Variants in PPEF1 observed in about 807,000 individuals in gnomAD.
PPEF1 encodes the protein serine/threonine-protein phosphatase with EF-hands 1.
Under a neutral mutation model 53.3 loss-of-function variants are expected in PPEF1, and 12 were observed. The ratio of observed to expected loss-of-function variants is 0.23; its 90% CI spans 0.14 to 0.36. The LOEUF (loss-of-function observed/expected upper bound fraction) is 0.36, where lower values mean the gene tolerates loss of function less well. PPEF1 is among the 10% of genes least tolerant of loss of function. The pLI is 1.00. For synonymous variants in PPEF1, 165 were observed against 176.7 expected (o/e 0.93, Z 0.52); for missense variants, 334 against 490.4 (o/e 0.68, Z 3.01).
chrX:18,774,701 TTAA>T (rs1259736054), intron 6 of PPEF1, among the ~76,000 whole-genome samples: 1 of 112,394 alleles, frequency 8.9e-6, no homozygotes, highest in Non-Finnish European at 1.9e-5. Context: ...CCCTGAGAAC[TTAA>T]TGTCTTGGCC....
At chrX:18,807,924 T>C (rs1225306659) in intron 12 of PPEF1, among the ~76,000 whole-genome samples, 3 of 108,449 alleles carry the variant, frequency 2.8e-5, no homozygotes, top group African/African-American at 1.0e-4. Context: ...CCTCCCAAAG[T>C]GCTGAGATTA....
At chrX:18,785,759 G>A (rs747595271) in intron 9 of PPEF1, among the ~76,000 whole-genome samples, 21 of 110,536 alleles carry the variant, frequency 1.9e-4, no homozygotes, top group Admixed American at 5.8e-4. Flanking sequence ...GTGCACACCT[G>A]TGGTCCCAGC....
intron 6 of PPEF1, among the ~76,000 whole-genome samples, chrX:18,776,235 GGTTGGTTGGTTT>G (rs1363483931): frequency 2.7e-5 from 3 of 110,784 alleles, no homozygotes; most frequent in Non-Finnish European, 3.8e-5. Context: ...TTGGTTGGTT[GGTTGGTTGGTTT>G]GTTTTAGACA....
intron 3 of PPEF1, among the ~76,000 whole-genome samples, chrX:18,734,938 A>G (rs1359413359): frequency 7.1e-5 from 8 of 111,928 alleles, no homozygotes; most frequent in South Asian, 3.7e-4. Flanking sequence ...TTTGAGAAGT[A>G]TCTGTTCATA....
rs1363778444 is a variant in PPEF1 at position 18,783,889 on chromosome X, TTA to T, written c.763-9_763-8del. 1.7e-6 allele frequency: 2 copies of T among 1,204,905 alleles called. No homozygotes were observed. The highest frequency in any genetic ancestry group is 2.2e-6 in the Non-Finnish European group (2 of 892,432). On this transcript the variant is annotated splice_region_variant and splice_polypyrimidine_tract_variant and intron_variant, in intron 8 of 15. Coordinates refer to ENST00000470157, the MANE Select transcript of PPEF1 (RefSeq NM_001377996.1). ...AGAAAAACAAAACTTACTCAAGCTC[TTA>T]CTTACAGCTACATGGAAAAAGAATC...
chrX:18,819,540 A>G (rs1040799100), intron 13 of PPEF1, among the ~76,000 whole-genome samples: 1 of 110,600 alleles, frequency 9.0e-6, no homozygotes, highest in Non-Finnish European at 1.9e-5. Context: ...AAAAAAAACA[A>G]AAAATTAGCC....
At chrX:18,733,883 A>G (rs929159755) in intron 3 of PPEF1, 75 bp downstream of exon 3, 2 of 815,618 alleles carry the variant, frequency 2.5e-6, no homozygotes, top group Non-Finnish European at 3.4e-6. Flanking sequence ...GTAAATTCTG[A>G]AGATGGGAGA....
chrX:18,767,617 T>C (rs2045803183), intron 6 of PPEF1, among the ~76,000 whole-genome samples: 1 of 112,450 alleles, frequency 8.9e-6, no homozygotes, highest in Non-Finnish European at 1.9e-5. Context: ...TTAAAGTAAT[T>C]TTTAAAGGCA....
intron 10 of PPEF1, among the ~76,000 whole-genome samples, chrX:18,800,244 A>T (rs1180532952): frequency 9.0e-6 from 1 of 111,390 alleles, no homozygotes. Context: ...TGTAAATTTC[A>T]ATTATTGTAT....
chrX:18,697,218 G>A (rs57588857), intron 4 of PPEF1, among the ~76,000 whole-genome samples: 2,571 of 111,714 alleles, frequency 0.023, 82 homozygotes, highest in African/African-American at 0.079. Context: ...AAGTTTATTT[G>A]GAAGGCAGGA....
Position 18,757,698 on chromosome X carries a change from C to T in PPEF1, c.468C>T (p.Phe156=), listed in dbSNP as rs61732530. Residue 156 remains phenylalanine (F), a synonymous_variant, in exon 5 of 16, where the codon TTC becomes TTT. Transcript: ENST00000470157. The part of the protein sequence containing the change: ...TKKVLKQMPN[F]THIQTSPSKE... ...AAGTCCTGAAGCAAATGCCGAATTT[C>T]ACTCACATACAAACTTCTCCCTCCA... The T allele has an allele frequency of 3.7e-4, 448 of 1,209,018 alleles. 6 individuals carry two copies. The Middle Eastern group carries it at 0.02, about 53-fold the overall frequency.
At chrX:18,826,439 TTTTTTTG>T (rs1254478472) in intron 15 of PPEF1, among the ~76,000 whole-genome samples, 2 of 90,537 alleles carry the variant, frequency 2.2e-5, no homozygotes, top group African/African-American at 8.4e-5. Context: ...TTTTTTTTTT[TTTTTTTG>T]CGACAGAGTT....
At chrX:18,762,110 A>G (rs1477251270) in intron 6 of PPEF1, among the ~76,000 whole-genome samples, 1 of 111,635 alleles carries the variant, frequency 9.0e-6, no homozygotes, top group East Asian at 2.8e-4. Flanking sequence ...GAGAGCCAGC[A>G]CAGAGGGCAC....
At chrX:18,777,060 C>A (rs896046268) in intron 6 of PPEF1, among the ~76,000 whole-genome samples, 1 of 112,336 alleles carries the variant, frequency 8.9e-6, no homozygotes, top group African/African-American at 3.2e-5. Flanking sequence ...CCAAAATAGC[C>A]GTGTGTGGTA....
chrX:18,792,518 A>G (rs1348894008), intron 10 of PPEF1, among the ~76,000 whole-genome samples: 1 of 106,076 alleles, frequency 9.4e-6, no homozygotes, highest in Non-Finnish European at 2.0e-5. Context: ...GTACTTCTTT[A>G]TTTTTTTTTC....
At chrX:18,779,295 A>C in intron 7 of PPEF1, 119 bp downstream of exon 7, 189 of 674,080 alleles carry the variant, frequency 2.8e-4, no homozygotes, top group Non-Finnish European at 3.7e-4. Flanking sequence ...GGGGGATCTC[A>C]AGGAGGACTT....
At chrX:18,742,196 C>T (rs1196886047) in intron 3 of PPEF1, among the ~76,000 whole-genome samples, 1 of 111,592 alleles carries the variant, frequency 9.0e-6, no homozygotes, top group Non-Finnish European at 1.9e-5. Context: ...TACTAATATA[C>T]CATAATTGAT....
intron 9 of PPEF1, among the ~76,000 whole-genome samples, chrX:18,786,650 G>A (rs2046207315): frequency 9.2e-6 from 1 of 108,638 alleles, no homozygotes; most frequent in Admixed American, 9.9e-5. Flanking sequence ...GGGCATGGTG[G>A]TGCACACCTG....
rs1482637345 is a variant in PPEF1 at position 18,714,490 on chromosome X, C to A, written c.46+6664C>A. ...GCTTCACCATGTTGGCCAGGCTGGTCTTGAACTCCTGACCTTATGGTTCGC... is the reference window on the plus strand; with the variant it reads ...GCTTCACCATGTTGGCCAGGCTGGTATTGAACTCCTGACCTTATGGTTCGC... On this transcript the variant is annotated intron_variant, in intron 1 of 15. Coordinates refer to ENST00000470157, the MANE Select transcript of PPEF1 (RefSeq NM_001377996.1). 4.5e-5 allele frequency among the ~76,000 whole-genome samples: 5 copies of A among 110,510 alleles called. No individual in the cohort carries two copies. In the East Asian group the frequency reaches 1.4e-3, roughly 32 times the overall value.
Sources: allele counts gnomAD v4.1 joint callset (sites outside exome capture counted in the v4.1 genomes callset), GRCh38; gene constraint gnomAD v4.1.1; transcripts MANE v1.5; gene names NCBI Gene and HGNC (gene_info 2026-07-23, HGNC 2026-07-21).